ME1: variants seen among roughly 807,000 people sequenced by gnomAD.
The protein encoded by ME1 is malic enzyme 1.
A neutral mutation model predicts 66.4 loss-of-function variants in ME1; 74 were observed. The observed-to-expected ratio is 1.11, with a 90% CI of 0.92 to 1.35. The LOEUF is 1.35. Ranked by LOEUF, ME1 falls within the 40% of genes most tolerant of loss-of-function variation. ME1 has a pLI of 0.00. For missense variants in ME1, 750 were observed against 694.1 expected, an observed-to-expected ratio of 1.08 and a Z score of -0.90; for synonymous variants, 251 against 235.6, an observed-to-expected ratio of 1.07 and a Z score of -0.60.
intron 6 of ME1, among the ~76,000 whole-genome samples, chr6:83,289,613 G>T (rs1399722649): frequency 6.6e-6 from 1 of 152,104 alleles, no homozygotes; most frequent in African/African-American, 2.4e-5. Flanking sequence ...TTGTGTCTCT[G>T]CCAGGCTTTG....
At chr6:83,304,828 T>C (rs1222006142) in intron 6 of ME1, among the ~76,000 whole-genome samples, 1 of 152,182 alleles carries the variant, frequency 6.6e-6, no homozygotes, top group Non-Finnish European at 1.5e-5. Flanking sequence ...GCAAATTTTA[T>C]ACAAATTTTG....
chr6:83,288,742 G>C (rs1404925780), intron 6 of ME1, among the ~76,000 whole-genome samples: 1 of 152,114 alleles, frequency 6.6e-6, no homozygotes, highest in African/African-American at 2.4e-5. Flanking sequence ...AAATTACTTT[G>C]GGCAGTAAGG....
intron 1 of ME1, among the ~76,000 whole-genome samples, chr6:83,425,513 G>A (rs1770353475): frequency 6.6e-6 from 1 of 152,122 alleles, no homozygotes. Flanking sequence ...GAAAAAGAAT[G>A]AGCAAAAGGG....
At chr6:83,414,119 A>AC (rs1403566787) in intron 1 of ME1, among the ~76,000 whole-genome samples, 1 of 138,374 alleles carries the variant, frequency 7.2e-6, no homozygotes, top group Non-Finnish European at 1.6e-5. Context: ...TTGAAAAAAA[A>AC]AAAAAAAAAA....
intron 3 of ME1, among the ~76,000 whole-genome samples, chr6:83,388,763 A>G (rs1022653870): frequency 6.6e-6 from 1 of 152,186 alleles, no homozygotes; most frequent in Non-Finnish European, 1.5e-5. Context: ...TAAAAAGACT[A>G]TCACCAGCAA....
chr6:83,220,894 C>T (rs902130631), intron 12 of ME1, among the ~76,000 whole-genome samples: 2 of 152,180 alleles, frequency 1.3e-5, no homozygotes, highest in African/African-American at 4.8e-5. Flanking sequence ...GGCGCGGTGG[C>T]TCATGCCTAT....
chr6:83,421,453 CAAT>C (rs1197618588), intron 1 of ME1, among the ~76,000 whole-genome samples: 2 of 152,194 alleles, frequency 1.3e-5, no homozygotes, highest in Non-Finnish European at 2.9e-5. Flanking sequence ...CTAAATCCAA[CAAT>C]AATCCTTGTA....
Position 83,411,982 on chromosome 6 carries a change from A to T in ME1, c.79-4081T>A, listed in dbSNP as rs1178478070. ...CTGGACTGTGCTAATTAACCTATGT[A>T]TATCTTCTTGACAAAACTGAGACTG... On this transcript the variant is annotated intron_variant, in intron 1 of 13. Transcript: ENST00000369705. Among the ~76,000 whole-genome samples the T allele has an allele frequency of 2.6e-5, 4 of 152,294 alleles. No individual in the cohort carries two copies. The East Asian group carries it at 5.8e-4, about 22-fold the overall frequency.
At chr6:83,259,755 A>G (rs931164503) in intron 6 of ME1, among the ~76,000 whole-genome samples, 4 of 152,236 alleles carry the variant, frequency 2.6e-5, no homozygotes, top group Middle Eastern at 3.4e-3. Context: ...CTTTACTTCC[A>G]TATTATTTTG....
chr6:83,217,764 T>C (rs895219395), intron 12 of ME1, among the ~76,000 whole-genome samples: 2 of 151,746 alleles, frequency 1.3e-5, no homozygotes, highest in African/African-American at 4.8e-5. Flanking sequence ...AAAGGCAGAG[T>C]TGTGTGTGAG....
intron 9 of ME1, among the ~76,000 whole-genome samples, chr6:83,237,295 AGAAAGAAAAAGAAAGAAAGAAAAGGAAG>A (rs1790428775): frequency 4.7e-5 from 4 of 84,366 alleles, no homozygotes; most frequent in African/African-American, 5.5e-5. Context: ...AAGGAAGGAA[AGAAAGAAAAAGAAAGAAAGAAAAGGAAG>A]GAAAGGAAGG....
At chr6:83,355,604 C>G (rs373857501) in intron 3 of ME1, among the ~76,000 whole-genome samples, 1 of 152,054 alleles carries the variant, frequency 6.6e-6, no homozygotes, top group Non-Finnish European at 1.5e-5. Flanking sequence ...GGACCGGTAA[C>G]GTCCCACCAA....
chr6:83,352,145 GAAAAAAA>G lies in ME1; in HGVS notation c.363-13_363-7del. 1.6e-5 allele frequency: 15 copies of G among 939,354 alleles called. No individual in the cohort carries two copies. Among genetic ancestry groups the G allele is most frequent in the South Asian group, 6.1e-5 (2 of 32,832 alleles). The allele number at this position is 939,354 out of a possible 1,614,324, so 58.2% of individuals were successfully genotyped here. The stretch of plus-strand genomic sequence containing the variant: ...GGATAGTAATAAAGAGACCTCTGCA[GAAAAAAA>G]AAAAAAAAAAGGAGTAGTTTACATT... On this transcript the variant is annotated splice_region_variant and splice_polypyrimidine_tract_variant and intron_variant, in intron 3 of 13. Transcript: ENST00000369705.
chr6:83,251,495 A>G (rs956004713), intron 7 of ME1, among the ~76,000 whole-genome samples: 2 of 151,478 alleles, frequency 1.3e-5, no homozygotes, highest in African/African-American at 2.4e-5. Context: ...CTCTGTCTCA[A>G]AAAAAAAATT....
At chr6:83,347,262 T>G (rs1382027479) in intron 4 of ME1, among the ~76,000 whole-genome samples, 1 of 152,210 alleles carries the variant, frequency 6.6e-6, no homozygotes, top group Non-Finnish European at 1.5e-5. Context: ...GCCTGTTTAG[T>G]TTATTTCTAA....
intron 6 of ME1, among the ~76,000 whole-genome samples, chr6:83,288,603 T>C (rs1767441505): frequency 1.3e-5 from 2 of 152,196 alleles, no homozygotes; most frequent in Admixed American, 1.3e-4. Context: ...CCTCCAGCTT[T>C]GTTCTTCTTG....
intron 3 of ME1, among the ~76,000 whole-genome samples, chr6:83,365,690 C>T (rs186913355): frequency 1.7e-4 from 26 of 152,310 alleles, no homozygotes; most frequent in Admixed American, 1.6e-3. Flanking sequence ...TTCACAAGAG[C>T]TACTTCATAT....
chr6:83,281,119 C>A (rs1767278955), intron 6 of ME1, among the ~76,000 whole-genome samples: 2 of 152,176 alleles, frequency 1.3e-5, no homozygotes, highest in Non-Finnish European at 2.9e-5. Flanking sequence ...AATAGCTATA[C>A]AAGTCTTTGA....
At chr6:83,415,833 G>T (rs754182622) in intron 1 of ME1, among the ~76,000 whole-genome samples, 1 of 152,042 alleles carries the variant, frequency 6.6e-6, no homozygotes, top group Non-Finnish European at 1.5e-5. Context: ...AGAGTTTATG[G>T]GGATTTTTTA....
Sources: gnomAD v4.1 joint callset for allele counts (sites outside exome capture counted in the v4.1 genomes callset) on GRCh38, gnomAD v4.1.1 for gene constraint, MANE v1.5 for transcripts, NCBI Gene and HGNC (gene_info 2026-07-23, HGNC 2026-07-21) for gene names.